PRKG1: variants seen among roughly 807,000 people sequenced by gnomAD.
PRKG1 encodes the protein protein kinase cGMP-dependent 1, also known as cGMP-dependent protein kinase 1.
In PRKG1, 35 loss-of-function variants were observed where a neutral mutation model predicts 88.1. That is an observed-to-expected ratio of 0.40 (90% confidence interval 0.30 to 0.53). The LOEUF (loss-of-function observed/expected upper bound fraction) is 0.53, where lower values mean the gene tolerates loss of function less well. PRKG1 is among the 20% of genes least tolerant of loss of function. The pLI, the probability that PRKG1 is intolerant of heterozygous loss-of-function variation, is 0.59. For missense variants in PRKG1, 540 were observed against 839.8 expected, an observed-to-expected ratio of 0.64 and a Z score of 4.41; for synonymous variants, 303 against 292.5, an observed-to-expected ratio of 1.04 and a Z score of -0.37.
At chr10:52,108,768 G>A (rs893018665) in intron 7 of PRKG1, among the ~76,000 whole-genome samples, 6 of 151,134 alleles carry the variant, frequency 4.0e-5, no homozygotes, top group East Asian at 1.9e-4. Context: ...TAGCTATTGC[G>A]ATGATACTAA....
intron 5 of PRKG1, among the ~76,000 whole-genome samples, chr10:51,987,052 A>T (rs928727390): frequency 6.6e-6 from 1 of 152,178 alleles, no homozygotes; most frequent in Non-Finnish European, 1.5e-5. Context: ...TTTGATTGGT[A>T]ACTAGTTATG....
intron 3 of PRKG1, among the ~76,000 whole-genome samples, chr10:51,522,425 T>C (rs1016395086): frequency 1.3e-5 from 2 of 152,222 alleles, no homozygotes; most frequent in African/African-American, 4.8e-5. Flanking sequence ...GAAATTGATT[T>C]TCCACCTTCA....
At chr10:51,160,550 C>T (rs565182177) in intron 2 of PRKG1, among the ~76,000 whole-genome samples, 5 of 152,278 alleles carry the variant, frequency 3.3e-5, no homozygotes, top group African/African-American at 1.2e-4. Context: ...CTGATTGCAA[C>T]TTATGCCTAA....
intron 2 of PRKG1, among the ~76,000 whole-genome samples, chr10:51,339,333 G>C (rs533302134): frequency 6.6e-6 from 1 of 151,930 alleles, no homozygotes; most frequent in African/African-American, 2.4e-5. Context: ...CTTCTAGAAA[G>C]GTTCACCAGA....
At chr10:51,346,766 T>A (rs886388855) in intron 2 of PRKG1, among the ~76,000 whole-genome samples, 15 of 152,222 alleles carry the variant, frequency 9.9e-5, no homozygotes, top group African/African-American at 3.1e-4. Context: ...TAGATAATAC[T>A]TTCCAATTAT....
chr10:52,197,803 T>C (rs1839548010), intron 9 of PRKG1, among the ~76,000 whole-genome samples: 1 of 152,208 alleles, frequency 6.6e-6, no homozygotes, highest in Non-Finnish European at 1.5e-5. Flanking sequence ...TTAAGAAATA[T>C]GGCTTTTGAA....
At chr10:52,289,504 T>G (rs1842192771) in intron 16 of PRKG1, among the ~76,000 whole-genome samples, 1 of 152,138 alleles carries the variant, frequency 6.6e-6, no homozygotes, top group African/African-American at 2.4e-5. Context: ...TAATTGGGTT[T>G]TCTCTATTTG....
chr10:52,126,472 T>A (rs1254070914), intron 7 of PRKG1, among the ~76,000 whole-genome samples: 1 of 152,126 alleles, frequency 6.6e-6, no homozygotes, highest in African/African-American at 2.4e-5. Context: ...ACTTTTTATT[T>A]TCCCCCTTTT....
chr10:51,583,901 C>G (rs1368338201), intron 3 of PRKG1, among the ~76,000 whole-genome samples: 1 of 151,978 alleles, frequency 6.6e-6, no homozygotes, highest in Non-Finnish European at 1.5e-5. Context: ...TTCTCACTCT[C>G]TTTTTTGAAT....
chr10:52,214,618 CACAA>C (rs916702877), intron 9 of PRKG1, among the ~76,000 whole-genome samples: 15 of 152,140 alleles, frequency 9.9e-5, no homozygotes, highest in Admixed American at 9.2e-4. Context: ...GCTATGGCTT[CACAA>C]ACAAACCATT....
At chr10:51,590,544 A>T (rs1354873147) in intron 3 of PRKG1, among the ~76,000 whole-genome samples, 1 of 152,216 alleles carries the variant, frequency 6.6e-6, no homozygotes, top group African/African-American at 2.4e-5. Flanking sequence ...TGTCACCAAG[A>T]AAAAAGGTTC....
chr10:51,428,299 C>T (rs1564490561), intron 2 of PRKG1, among the ~76,000 whole-genome samples: 1 of 152,166 alleles, frequency 6.6e-6, no homozygotes, highest in Non-Finnish European at 1.5e-5. Flanking sequence ...CAAAAAGCCT[C>T]AATGAGTTAA....
chr10:51,163,789 A>C (rs908375675), intron 2 of PRKG1, among the ~76,000 whole-genome samples: 3 of 152,198 alleles, frequency 2.0e-5, no homozygotes, highest in African/African-American at 7.2e-5. Flanking sequence ...AGTCTCGCTG[A>C]TTGCTAGCAC....
chr10:51,669,195 C>T (rs1384970232), intron 3 of PRKG1, among the ~76,000 whole-genome samples: 1 of 152,134 alleles, frequency 6.6e-6, no homozygotes, highest in East Asian at 1.9e-4. Flanking sequence ...AAACAACAGC[C>T]ATTTATTTTC....
intron 16 of PRKG1, among the ~76,000 whole-genome samples, chr10:52,289,406 T>A (rs913910274): frequency 2.0e-5 from 3 of 152,136 alleles, no homozygotes; most frequent in Non-Finnish European, 4.4e-5. Flanking sequence ...GAGAAAAACA[T>A]AAGTACAGAA....
chr10:51,396,840 T>G (rs1301890644), intron 2 of PRKG1, among the ~76,000 whole-genome samples: 1 of 152,212 alleles, frequency 6.6e-6, no homozygotes, highest in Non-Finnish European at 1.5e-5. Flanking sequence ...GGGCGGGTAC[T>G]GGGGTGAACT....
At chr10:51,217,389 A>T (rs1365070724) in intron 2 of PRKG1, among the ~76,000 whole-genome samples, 1 of 152,124 alleles carries the variant, frequency 6.6e-6, no homozygotes, top group Admixed American at 6.6e-5. Context: ...GTGGGGAAAA[A>T]TGCCTTAGAA....
At chr10:51,022,873 T>G (rs1189789012) in intron 1 of PRKG1, among the ~76,000 whole-genome samples, 1 of 152,176 alleles carries the variant, frequency 6.6e-6, no homozygotes, top group Non-Finnish European at 1.5e-5. Context: ...GGTGGGTTCC[T>G]ATAATCCCAG....
intron 5 of PRKG1, among the ~76,000 whole-genome samples, chr10:51,914,953 C>T (rs976448718): frequency 1.3e-5 from 2 of 152,196 alleles, no homozygotes; most frequent in African/African-American, 4.8e-5. Context: ...TATTTCAACT[C>T]ACCCTTGCTT....
Sources: allele counts gnomAD v4.1 joint callset (sites outside exome capture counted in the v4.1 genomes callset), GRCh38; gene constraint gnomAD v4.1.1; transcripts MANE v1.5; gene names NCBI Gene and HGNC (gene_info 2026-07-23, HGNC 2026-07-21).